Variants in DRC9 observed in about 807,000 individuals in gnomAD.
The protein encoded by DRC9 is dynein regulatory complex protein 9.
the DRC9 span, among the ~76,000 whole-genome samples, chr3:197,928,002 A>C: frequency 3.9e-5 from 6 of 152,120 alleles, no homozygotes; most frequent in Non-Finnish European, 7.3e-5. Context: ...GAAATACCTA[A>C]TGTTGATGAC....
At chr3:197,931,613 T>TA in the DRC9 span, among the ~76,000 whole-genome samples, 1 of 152,254 alleles carries the variant, frequency 6.6e-6, no homozygotes, top group South Asian at 2.1e-4. Flanking sequence ...GAATTAAATC[T>TA]ATTTTTTTTT....
chr3:197,938,441 C>T, the DRC9 span: 1 of 764,594 alleles, frequency 1.3e-6, no homozygotes, highest in Admixed American at 2.1e-5. Context: ...ATTTTGCATA[C>T]ACAGTAATGA....
the DRC9 span, among the ~76,000 whole-genome samples, chr3:197,946,245 C>T: frequency 6.6e-6 from 1 of 151,900 alleles, no homozygotes; most frequent in African/African-American, 2.4e-5. Context: ...ACCATCCTGG[C>T]TAACACGGTG....
At chr3:197,949,072 T>A in the DRC9 span, among the ~76,000 whole-genome samples, 1 of 152,200 alleles carries the variant, frequency 6.6e-6, no homozygotes, top group Non-Finnish European at 1.5e-5. Flanking sequence ...GGAAAGCCTC[T>A]TTTACAGTGG....
the DRC9 span, among the ~76,000 whole-genome samples, chr3:197,921,269 C>A: frequency 7.7e-6 from 1 of 129,498 alleles, no homozygotes; most frequent in Non-Finnish European, 1.5e-5. Flanking sequence ...GGGGATTTAA[C>A]CTGATTTCGT....
At chr3:197,953,923 GC>G in the DRC9 span, 1 of 1,463,526 alleles carries the variant, frequency 6.8e-7, no homozygotes. Flanking sequence ...AGGGTTGAGA[GC>G]CACTCGTGTA....
At chr3:197,908,769 G>A in the DRC9 span, among the ~76,000 whole-genome samples, 1 of 144,336 alleles carries the variant, frequency 6.9e-6, no homozygotes, top group South Asian at 2.2e-4. Context: ...GTCATCACAG[G>A]GGTGGTGACT....
At chr3:197,954,942 G>A in the DRC9 span, among the ~76,000 whole-genome samples, 1 of 152,176 alleles carries the variant, frequency 6.6e-6, no homozygotes, top group African/African-American at 2.4e-5. Flanking sequence ...GTTAGAACAG[G>A]TGTTAGTAGC....
At chr3:197,907,758 C>T in the DRC9 span, among the ~76,000 whole-genome samples, 1 of 151,502 alleles carries the variant, frequency 6.6e-6, no homozygotes, top group South Asian at 2.1e-4. Context: ...ACAGGGGTGA[C>T]TGTACCAGGT....
chr3:197,951,088 G>A, the DRC9 span: 65 of 1,607,802 alleles, frequency 4.0e-5, 1 homozygote, highest in Admixed American at 6.5e-4. Context: ...TAACTTTTGG[G>A]TGGGGGTGAT....
the DRC9 span, among the ~76,000 whole-genome samples, chr3:197,955,173 C>G: frequency 6.6e-6 from 1 of 152,084 alleles, no homozygotes; most frequent in African/African-American, 2.4e-5. Flanking sequence ...CTGTTGAACC[C>G]TGCTAAGTGG....
the DRC9 span, among the ~76,000 whole-genome samples, chr3:197,906,182 G>A: frequency 3.9e-5 from 6 of 152,176 alleles, no homozygotes; most frequent in East Asian, 9.6e-4. Flanking sequence ...CACACGACAG[G>A]AGGGCGTCTC....
the DRC9 span, among the ~76,000 whole-genome samples, chr3:197,947,000 G>A: frequency 5.5e-4 from 84 of 152,104 alleles, 1 homozygote; most frequent in Admixed American, 8.5e-4. Context: ...TAGTAGAGAC[G>A]GGGTTTCACC....
chr3:197,899,828 G>A, the DRC9 span, among the ~76,000 whole-genome samples: 12 of 152,072 alleles, frequency 7.9e-5, no homozygotes, highest in South Asian at 4.1e-4. Context: ...GTAAGCAATC[G>A]CAGTACCTGG....
the DRC9 span, among the ~76,000 whole-genome samples, chr3:197,948,952 C>T: frequency 2.6e-5 from 4 of 152,176 alleles, no homozygotes; most frequent in Admixed American, 1.3e-4. Flanking sequence ...AACACAGTGA[C>T]TTTGTCAATA....
the DRC9 span, chr3:197,950,407 G>A: frequency 2.0e-6 from 2 of 1,024,076 alleles, no homozygotes; most frequent in Non-Finnish European, 2.5e-6. Flanking sequence ...CTGACACCCG[G>A]AGAACGGCTG....
At chr3:197,905,306 G>A in the DRC9 span, among the ~76,000 whole-genome samples, 9 of 152,114 alleles carry the variant, frequency 5.9e-5, no homozygotes, top group African/African-American at 1.4e-4. Context: ...TGACTCCCAC[G>A]TGTCACACGC....
At chr3:197,935,380 C>T in the DRC9 span, among the ~76,000 whole-genome samples, 12 of 149,490 alleles carry the variant, frequency 8.0e-5, no homozygotes, top group Non-Finnish European at 1.3e-4. Flanking sequence ...GCGGAGGTTG[C>T]GTGAGCCGGG....
the DRC9 span, chr3:197,912,955 A>C: frequency 8.8e-6 from 5 of 567,890 alleles, no homozygotes; most frequent in Non-Finnish European, 1.6e-5. Context: ...CCCTAACGAG[A>C]CGAGCACAAT....
Sources: allele counts gnomAD v4.1 joint callset (sites outside exome capture counted in the v4.1 genomes callset), GRCh38; gene constraint gnomAD v4.1.1; transcripts MANE v1.5; gene names NCBI Gene and HGNC (gene_info 2026-07-23, HGNC 2026-07-21).